The following FANCD2 variants were observed in gnomAD, a reference collection of about 807,000 sequenced individuals.
FANCD2 encodes Fanconi anemia group D2 protein.
In FANCD2, 131 loss-of-function variants were observed where a neutral mutation model predicts 192.3. The observed-to-expected ratio is 0.68, with a 90% CI of 0.59 to 0.79. The LOEUF (loss-of-function observed/expected upper bound fraction) is 0.79, where lower values mean the gene tolerates loss of function less well. Among genes scored for constraint, FANCD2 ranks in the 30% least tolerant of loss-of-function variants. FANCD2 has a pLI of 0.00. For synonymous variants in FANCD2, 524 were observed against 612.5 expected (o/e 0.86, Z 2.13); for missense variants, 1,508 against 1,701.6 (o/e 0.89, Z 2.00).
chr3:10,090,117 A>G (rs528854184), intron 36 of FANCD2, among the ~76,000 whole-genome samples, 175 bp from the exon 37 acceptor site: 12 of 152,272 alleles, frequency 7.9e-5, no homozygotes, highest in African/African-American at 2.6e-4. Context: ...TTGACAGGCA[A>G]TCTTCTTGGG....
intron 1 of FANCD2, among the ~76,000 whole-genome samples, chr3:10,027,193 GAGTA>G (rs1380375904): frequency 1.3e-5 from 2 of 152,196 alleles, no homozygotes; most frequent in Admixed American, 1.3e-4. Context: ...TAGGGACATT[GAGTA>G]AGTGAGACTG....
chr3:10,037,862 TTAAA>T (rs1398068919), intron 7 of FANCD2, among the ~76,000 whole-genome samples: 1 of 152,226 alleles, frequency 6.6e-6, no homozygotes, highest in Non-Finnish European at 1.5e-5. Context: ...AGTATTTTGT[TTAAA>T]AAAGAAGATA....
chr3:10,060,350 G>T lies in FANCD2; in HGVS notation c.1713G>T (p.Lys571Asn), dbSNP rs2087530273. The T allele has an allele frequency of 6.2e-7, 1 of 1,613,684 alleles. No individual in the cohort carries two copies. Among genetic ancestry groups the T allele is most frequent in the Non-Finnish European group, 8.5e-7 (1 of 1,180,010 alleles). The stretch of plus-strand genomic sequence containing the variant: ...TCTCTAGCACCGTATTCAAGTACAA[G>T]CTCATTGGGATTATTGGTGCTGTGA... ...KQLSSTVFKY[K>N]LIGIIGAVTM... is the part of the protein sequence containing the mutation. Residue 571 changes from lysine (K) to asparagine (N), a missense_variant, in exon 19 of 44, where the codon AAG becomes AAT. Physicochemically the swap from Lys to Asn is moderately conservative, Grantham distance 94. Coordinates refer to ENST00000675286, the MANE Select transcript of FANCD2 (RefSeq NM_001018115.3).
intron 28 of FANCD2, 65 bp downstream of exon 28, chr3:10,073,427 T>A: frequency 8.1e-7 from 1 of 1,233,262 alleles, no homozygotes; most frequent in Non-Finnish European, 1.2e-6. Context: ...GAAACCCAGC[T>A]TTATTCTCGG....
At chr3:10,084,196 C>A (rs1694030091) in intron 32 of FANCD2, among the ~76,000 whole-genome samples, 1 of 151,534 alleles carries the variant, frequency 6.6e-6, no homozygotes, top group Non-Finnish European at 1.5e-5. Context: ...GTTTCACCAT[C>A]TTGGCCAGGC....
intron 29 of FANCD2, among the ~76,000 whole-genome samples, chr3:10,077,018 T>G (rs1271086180): frequency 2.0e-5 from 3 of 151,830 alleles, no homozygotes; most frequent in Admixed American, 6.6e-5. Context: ...CCCAAAGTAC[T>G]GGGAGTTTGA....
In FANCD2 at chr3:10,039,377, C is replaced by G. The variant is rs749502961; in HGVS notation, c.570+20C>G. The G allele has an allele frequency of 2.5e-6, 4 of 1,585,476 alleles. No homozygotes were observed. The highest frequency in any genetic ancestry group is 3.5e-6 in the Non-Finnish European group (4 of 1,154,394). ...GGCAAGGTAGGCTTATGGACTTTAT[C>G]TCTTGAATTTAAAGAGTATGTTTCT... On this transcript the variant is annotated intron_variant, in intron 8 of 43. Transcript: ENST00000675286.
At chr3:10,043,293 T>C (rs1327227061) in intron 12 of FANCD2, 143 bp downstream of exon 12, 3 of 791,268 alleles carry the variant, frequency 3.8e-6, no homozygotes, top group South Asian at 1.5e-5. Context: ...CATATATGTA[T>C]GTGAGTATGT....
chr3:10,038,579 C>CTTTTT (rs573306335), intron 7 of FANCD2, among the ~76,000 whole-genome samples: 2,405 of 128,826 alleles, frequency 0.019, 110 homozygotes, highest in African/African-American at 0.071. Flanking sequence ...TATATGCTTG[C>CTTTTT]TTTTTTTTTT....
chr3:10,086,992 C>T (rs750812519), intron 33 of FANCD2, 142 bp from the exon 34 acceptor site: 20 of 899,636 alleles, frequency 2.2e-5, no homozygotes, highest in Non-Finnish European at 3.5e-5. Context: ...AAGAGGGTTG[C>T]TACTAAAGCA....
At chr3:10,087,541 T>G (rs1694292687) in intron 34 of FANCD2, among the ~76,000 whole-genome samples, 1 of 152,048 alleles carries the variant, frequency 6.6e-6, no homozygotes, top group South Asian at 2.1e-4. Flanking sequence ...AAAAAAAAAT[T>G]TATCTGAGAC....
In FANCD2 at chr3:10,101,317, G is replaced by A. The variant is rs1313033753; in HGVS notation, c.*55G>A. ...GTCTCTGCCAGCCTGTGATCATTTT[G>A]TGTTAGAGTTTGAAATCCGCTGTTT... On this transcript the variant is annotated 3_prime_UTR_variant, in exon 44 of 44. Transcript: ENST00000675286. 4.7e-6 allele frequency: 6 copies of A among 1,283,538 alleles called. No homozygotes were observed. Among genetic ancestry groups the A allele is most frequent in the East Asian group, 5.0e-5 (2 of 39,766 alleles). 79.5% of individuals were successfully genotyped at this position (1,283,538 alleles called of 1,614,324 possible).
chr3:10,100,773 A>C (rs1045448333), intron 43 of FANCD2, among the ~76,000 whole-genome samples: 10 of 152,132 alleles, frequency 6.6e-5, no homozygotes, highest in African/African-American at 2.4e-4. Flanking sequence ...AGCTTATTTA[A>C]AATTATGCAA....
rs775919604 is a variant in FANCD2, at chr3:10,101,140, C to G, written c.4282-48C>G. On this transcript the variant is annotated intron_variant, in intron 43 of 43. Coordinates refer to ENST00000675286, the MANE Select transcript of FANCD2 (RefSeq NM_001018115.3). Reference sequence around the variant, plus strand: ...CTAGGAGCTGTATTCCAGAGGTCACCCAGAGCAGTAACCTAAAATGCTTAT... The same window carrying G: ...CTAGGAGCTGTATTCCAGAGGTCACGCAGAGCAGTAACCTAAAATGCTTAT... 13 of 1,390,356 alleles carry G rather than the reference C, an allele frequency of 9.4e-6. No homozygotes were observed. In the East Asian group the frequency reaches 2.7e-4, roughly 29 times the overall value. The allele number at this position is 1,390,356 out of a possible 1,614,324, so 86.1% of individuals were successfully genotyped here. A position where few individuals can be genotyped will look rare whatever the true frequency, so the allele number is the denominator to read the frequency against.
chr3:10,085,909 G>A lies in FANCD2; in HGVS notation c.3322G>A (p.Glu1108Lys). 2.5e-6 allele frequency: 4 copies of A among 1,610,338 alleles called. No individual in the cohort carries two copies. In the South Asian group the frequency reaches 4.4e-5, roughly 18 times the overall value. ...LKQGEHSQPL[E>K]ELLSQSVHYL... ...ACAGGGAGAACACAGCCAGCCTTTG[G>A]AGGAACTACTCAGGTGAGTCATAAC... The change falls in exon 33 of 44, where the codon GAG (glutamate) becomes AAG (lysine). Residue 1108 changes from glutamate to lysine, a missense_variant. Glu to Lys is a moderately conservative substitution (Grantham distance 56). Transcript: ENST00000675286.
chr3:10,061,818 A>T (rs2087575856), intron 19 of FANCD2, among the ~76,000 whole-genome samples: 1 of 152,160 alleles, frequency 6.6e-6, no homozygotes, highest in Non-Finnish European at 1.5e-5. Context: ...CAGAATTCTT[A>T]AACTTATTGG....
chr3:10,071,507 T>TA (rs779004915), intron 26 of FANCD2, among the ~76,000 whole-genome samples: 1 of 152,142 alleles, frequency 6.6e-6, no homozygotes, highest in Non-Finnish European at 1.5e-5. Flanking sequence ...TATTCAGCCA[T>TA]AAAAAACAAT....
chr3:10,042,920 T>C, intron 11 of FANCD2, 130 bp from the exon 12 acceptor site: 1 of 881,264 alleles, frequency 1.1e-6, no homozygotes, highest in East Asian at 2.6e-5. Flanking sequence ...TAACTCTATT[T>C]TTCAAAATGT....
At position 10,083,226 on chromosome 3, in the gene FANCD2, C is replaced by CA. The variant is rs949468343; in HGVS notation, c.3224+1775dup. ...TGGGCAACAGAACCAGACCCCATCT[C>CA]AAAAAAAAAAAAATCTGGGCCCCAT... On this transcript the variant is annotated intron_variant, in intron 32 of 43. Coordinates refer to ENST00000675286, the MANE Select transcript of FANCD2 (RefSeq NM_001018115.3). 1.0e-3 allele frequency among the ~76,000 whole-genome samples: 136 copies of CA among 132,300 alleles called. 1 individual carries two copies. Among genetic ancestry groups the CA allele is most frequent in the Middle Eastern group, 3.9e-3 (1 of 254 alleles). The allele number at this position is 132,300 out of a possible 152,430, so 86.8% of individuals were successfully genotyped here. A position where few individuals can be genotyped will look rare whatever the true frequency, so the allele number is the denominator to read the frequency against.
Sources: gnomAD v4.1 joint callset for allele counts (sites outside exome capture counted in the v4.1 genomes callset) on GRCh38, gnomAD v4.1.1 for gene constraint, MANE v1.5 for transcripts, NCBI Gene and HGNC (gene_info 2026-07-23, HGNC 2026-07-21) for gene names.